Variants in CACNA2D2 observed in about 807,000 individuals in gnomAD.
CACNA2D2 encodes the protein calcium voltage-gated channel auxiliary subunit alpha2delta 2.
In CACNA2D2, 48 loss-of-function variants were observed where a neutral mutation model predicts 166.4. The ratio of observed to expected loss-of-function variants is 0.29; its 90% CI spans 0.23 to 0.37. The LOEUF is 0.37. Ranked by LOEUF, CACNA2D2 falls within the 10% of genes least tolerant of loss-of-function variation. The pLI, the probability that CACNA2D2 is intolerant of heterozygous loss-of-function variation, is 1.00. For synonymous variants in CACNA2D2, 561 were observed against 573.7 expected, an observed-to-expected ratio of 0.98 and a Z score of 0.32; for missense variants, 1,122 against 1,433.0, an observed-to-expected ratio of 0.78 and a Z score of 3.50.
At position 50,367,235 on chromosome 3, in the gene CACNA2D2, CAG is replaced by C; in HGVS notation, c.2402-128_2402-127del. On this transcript the variant is annotated intron_variant, in intron 27 of 37. Transcript: ENST00000424201. The surrounding 1 kb of genome is among the most constrained non-coding windows in gnomAD (Gnocchi z 6.5). ...CAGCCCAAGCACCCAGCACTCAGGA[CAG>C]TGTTTGGCACAGTCTATCCCTCTTT... 1.0e-6 allele frequency: 1 copy of C among 978,648 alleles called. No individual in the cohort carries two copies. The highest frequency in any genetic ancestry group is 1.6e-6 in the Non-Finnish European group (1 of 630,928). The allele number at this position is 978,648 out of a possible 1,614,324, so 60.6% of individuals were successfully genotyped here.
chr3:50,485,484 GC>G (rs1237681201), intron 1 of CACNA2D2, among the ~76,000 whole-genome samples: 2 of 152,262 alleles, frequency 1.3e-5, no homozygotes. Context: ...TTAGAAGGTA[GC>G]GCTGTAAAAC....
Position 50,367,970 on chromosome 3 carries a change from A to G in CACNA2D2, c.2144-68T>C. ...CAGCTCCTTGCCCACCCTCACCCCC[A>G]CCCTTAAGGCTCCACCAGGAGCCTC... On this transcript the variant is annotated intron_variant, in intron 24 of 37. Coordinates refer to ENST00000424201, the MANE Select transcript of CACNA2D2 (RefSeq NM_006030.4). The surrounding 1 kb of genome is among the most constrained non-coding windows in gnomAD (Gnocchi z 6.5). The G allele has an allele frequency of 8.6e-7, 1 of 1,168,206 alleles. No homozygotes were observed. Among genetic ancestry groups the G allele is most frequent in the Non-Finnish European group, 1.2e-6 (1 of 805,392 alleles). 72.4% of individuals were successfully genotyped at this position (1,168,206 alleles called of 1,614,324 possible). A position where few individuals can be genotyped will look rare whatever the true frequency, so the allele number is the denominator to read the frequency against.
chr3:50,464,085 C>T (rs1232396051), intron 2 of CACNA2D2, among the ~76,000 whole-genome samples: 1 of 152,226 alleles, frequency 6.6e-6, no homozygotes, highest in Non-Finnish European at 1.5e-5. Flanking sequence ...CTCCATCACC[C>T]AGGCCTTGAC....
At position 50,365,321 on chromosome 3, in the gene CACNA2D2, GC is replaced by G. The variant is rs1273428353; in HGVS notation, c.3098+34del. The G allele has an allele frequency of 6.3e-7, 1 of 1,594,702 alleles. No individual in the cohort carries two copies. The highest frequency in any genetic ancestry group is 1.7e-5 in the Admixed American group (1 of 57,462). Reference sequence around the variant, plus strand: ...GCGTCTCGCCCCGCTCACAGGTTCCGCCCTTGGCCTCTGGTCCCGCCCCACT... The same window carrying G: ...GCGTCTCGCCCCGCTCACAGGTTCCGCCTTGGCCTCTGGTCCCGCCCCACT... On this transcript the variant is annotated intron_variant, in intron 35 of 37. Transcript: ENST00000424201. The surrounding 1 kb of genome is among the most constrained non-coding windows in gnomAD (Gnocchi z 4.5).
chr3:50,395,335 G>A (rs546153475), intron 3 of CACNA2D2, among the ~76,000 whole-genome samples: 6 of 152,086 alleles, frequency 3.9e-5, no homozygotes, highest in African/African-American at 1.4e-4. Flanking sequence ...TGGTGAGTCC[G>A]GCTCAGGCTG....
chr3:50,391,327 A>C (rs1705875815), intron 4 of CACNA2D2, among the ~76,000 whole-genome samples: 1 of 149,736 alleles, frequency 6.7e-6, no homozygotes, highest in Non-Finnish European at 1.5e-5. Flanking sequence ...GCCAATGGCC[A>C]CTCCCCCCTC....
intron 3 of CACNA2D2, among the ~76,000 whole-genome samples, chr3:50,429,315 T>C (rs1286439423): frequency 6.6e-6 from 1 of 151,500 alleles, no homozygotes; most frequent in Admixed American, 6.6e-5. Flanking sequence ...AAACGTAAAA[T>C]AGAGAGAGGA....
intron 2 of CACNA2D2, among the ~76,000 whole-genome samples, chr3:50,455,014 T>TA (rs1172732945): frequency 6.6e-6 from 1 of 152,172 alleles, no homozygotes; most frequent in African/African-American, 2.4e-5. Context: ...GCTTCGGCCC[T>TA]AGGGATAGAA....
chr3:50,368,514 C>T (rs1276499012), intron 23 of CACNA2D2, among the ~76,000 whole-genome samples: 6 of 152,214 alleles, frequency 3.9e-5, no homozygotes, highest in African/African-American at 1.4e-4. Flanking sequence ...TCCGGTGTAG[C>T]TGGACCCAGA....
At chr3:50,433,346 C>A (rs148481425) in intron 3 of CACNA2D2, among the ~76,000 whole-genome samples, 43 of 151,860 alleles carry the variant, frequency 2.8e-4, no homozygotes, top group African/African-American at 1.0e-3. Context: ...GACTTTATTC[C>A]GTTTTTTTTG....
In CACNA2D2 at chr3:50,456,944, C is replaced by T. The variant is rs1019839413; in HGVS notation, c.288+19174G>A. ...TTCAGAGTTCACTAGTGGAATGAAG[C>T]CCCCAAATAAAATGATAAACTGGAG... is the stretch of plus-strand genomic sequence containing the variant. On this transcript the variant is annotated intron_variant, in intron 2 of 37. Coordinates refer to ENST00000424201, the MANE Select transcript of CACNA2D2 (RefSeq NM_006030.4). Among the ~76,000 whole-genome samples the T allele has an allele frequency of 4.6e-5, 7 of 152,220 alleles. No homozygotes were observed. The South Asian group carries it at 1.5e-3, about 32-fold the overall frequency.
At chr3:50,426,757 G>A (rs1054882425) in intron 3 of CACNA2D2, among the ~76,000 whole-genome samples, 1 of 152,102 alleles carries the variant, frequency 6.6e-6, no homozygotes, top group African/African-American at 2.4e-5. Context: ...GCAGTTTCAG[G>A]GGCCAGAGAA....
intron 2 of CACNA2D2, among the ~76,000 whole-genome samples, chr3:50,471,308 G>C (rs1261040335): frequency 6.6e-6 from 1 of 152,102 alleles, no homozygotes; most frequent in Non-Finnish European, 1.5e-5. Context: ...GGGGGACCTG[G>C]CCAAGGAGCT....
intron 1 of CACNA2D2, among the ~76,000 whole-genome samples, chr3:50,488,769 T>G (rs1159193246): frequency 6.6e-6 from 1 of 151,948 alleles, no homozygotes; most frequent in Non-Finnish European, 1.5e-5. Flanking sequence ...ATGTGATCTC[T>G]GCTCACTGCA....
At chr3:50,428,053 T>C (rs2106866635) in intron 3 of CACNA2D2, among the ~76,000 whole-genome samples, 1 of 152,244 alleles carries the variant, frequency 6.6e-6, no homozygotes, top group Admixed American at 6.5e-5. Context: ...CCCCAGTATC[T>C]CCCTGCTGTG....
At chr3:50,488,244 C>A (rs757333554) in intron 1 of CACNA2D2, among the ~76,000 whole-genome samples, 7 of 152,196 alleles carry the variant, frequency 4.6e-5, no homozygotes, top group Non-Finnish European at 1.0e-4. Flanking sequence ...ACACCGAGGC[C>A]TGCAGAATTC....
chr3:50,430,411 C>G (rs954465211), intron 3 of CACNA2D2, among the ~76,000 whole-genome samples: 1 of 152,246 alleles, frequency 6.6e-6, no homozygotes, highest in African/African-American at 2.4e-5. Flanking sequence ...ATTGTTCACA[C>G]TGTGGTCTTT....
intron 1 of CACNA2D2, among the ~76,000 whole-genome samples, chr3:50,502,846 G>A (rs1478379217): frequency 6.6e-6 from 1 of 152,226 alleles, no homozygotes; most frequent in Non-Finnish European, 1.5e-5. Context: ...CAACTCCGCC[G>A]GACAGGGGTC....
chr3:50,460,110 T>C (rs753173435), intron 2 of CACNA2D2, among the ~76,000 whole-genome samples: 7 of 152,054 alleles, frequency 4.6e-5, no homozygotes, highest in Non-Finnish European at 1.0e-4. Context: ...AATAAATACA[T>C]AAATACATGA....
Sources: allele counts gnomAD v4.1 joint callset (sites outside exome capture counted in the v4.1 genomes callset), GRCh38; gene constraint gnomAD v4.1.1; non-coding constraint Gnocchi (gnomAD v3.1); transcripts MANE v1.5; gene names NCBI Gene and HGNC (gene_info 2026-07-23, HGNC 2026-07-21).